Variants in VSX2 observed in about 807,000 individuals in gnomAD.
VSX2 encodes the protein visual system homeobox 2.
VSX2 carries 28 observed loss-of-function variants against 32.1 expected under a neutral mutation model. The ratio of observed to expected loss-of-function variants is 0.87; its 90% CI spans 0.65 to 1.20. The LOEUF (loss-of-function observed/expected upper bound fraction) is 1.20, where lower values mean the gene tolerates loss of function less well. VSX2 is among the 50% of genes most tolerant of loss of function. The pLI is 0.00. For synonymous variants in VSX2, 243 were observed against 214.1 expected (o/e 1.14, Z -1.18); for missense variants, 506 against 488.7 (o/e 1.04, Z -0.33).
In VSX2 at chr14:74,261,389, A is replaced by C; in HGVS notation, c.*470A>C. On this transcript the variant is annotated 3_prime_UTR_variant, in exon 5 of 5. Transcript: ENST00000261980. The stretch of plus-strand genomic sequence containing the variant: ...GCAACTCCAGCGTCCTCAGCACCCC[A>C]CTCCTCAGTAAAAGTCTTCTCCCAA... The C allele has an allele frequency of 1.2e-5, 2 of 168,428 alleles. No homozygotes were observed. Among genetic ancestry groups the C allele is most frequent in the African/African-American group, 2.4e-5 (1 of 41,984 alleles). The allele number at this position is 168,428 out of a possible 1,614,324, so 10.4% of individuals were successfully genotyped here.
At position 74,241,280 on chromosome 14, in the gene VSX2, T is replaced by C; in HGVS notation, c.455+14T>C. 1.2e-6 allele frequency: 2 copies of C among 1,611,612 alleles called. No individual in the cohort carries two copies. The highest frequency in any genetic ancestry group is 1.7e-6 in the Non-Finnish European group (2 of 1,179,486). ...GCGGCGACACAGGTGAGGCCCCCGC[T>C]TTCTGTTACCTCTCCTGCCCGCGCA... On this transcript the variant is annotated intron_variant, in intron 2 of 4. Coordinates refer to ENST00000261980, the MANE Select transcript of VSX2 (RefSeq NM_182894.3).
Position 74,255,034 on chromosome 14 carries a change from C to T in VSX2, c.580-4568C>T, listed in dbSNP as rs183626675. On this transcript the variant is annotated intron_variant, in intron 3 of 4. Transcript: ENST00000261980. ...TGACCTTGTGATCCACCCACCTCGG[C>T]CTCCCAAAGTGCTGGGATTACAGGC... 6.6e-4 allele frequency among the ~76,000 whole-genome samples: 101 copies of T among 152,170 alleles called. 1 individual carries two copies. Among genetic ancestry groups the T allele is most frequent in the Admixed American group, 6.5e-3 (100 of 15,280 alleles).
chr14:74,244,973 TGTGTGTGTGAGAGA>T lies in VSX2; in HGVS notation c.456-190_456-177del, dbSNP rs372304956. On this transcript the variant is annotated intron_variant, in intron 2 of 4. Transcript: ENST00000261980. Reference sequence around the variant, plus strand: ...GTGTGTGTGTGTGTGTGTGTGTGTGTGTGTGTGTGAGAGAGAGAGAGAGAGAGAGAGAGACAGAG... The same window carrying T: ...GTGTGTGTGTGTGTGTGTGTGTGTGTGAGAGAGAGAGAGAGAGAGACAGAG... Among the ~76,000 whole-genome samples, 2,146 of 66,262 alleles carry T rather than the reference TGTGTGTGTGAGAGA, an allele frequency of 0.032. 20 individuals carry two copies. Among genetic ancestry groups the T allele is most frequent in the East Asian group, 0.061 (44 of 726 alleles). 43.5% of individuals were successfully genotyped at this position (66,262 alleles called of 152,430 possible).
intron 3 of VSX2, among the ~76,000 whole-genome samples, chr14:74,251,508 G>A (rs1031795806): frequency 6.6e-6 from 1 of 152,192 alleles, no homozygotes; most frequent in African/African-American, 2.4e-5. Context: ...GCATTTGTAT[G>A]CTTTTAAATC....
intron 2 of VSX2, among the ~76,000 whole-genome samples, chr14:74,242,319 C>A (rs996686605): frequency 6.6e-6 from 1 of 152,240 alleles, no homozygotes; most frequent in African/African-American, 2.4e-5. Flanking sequence ...GCACCCCCGC[C>A]GCCACATCGT....
chr14:74,261,151 C>G lies in VSX2; in HGVS notation c.*232C>G. On this transcript the variant is annotated 3_prime_UTR_variant, in exon 5 of 5. Coordinates refer to ENST00000261980, the MANE Select transcript of VSX2 (RefSeq NM_182894.3). ...CTCTCCAGCATCCCAGCCTCAGAAG[C>G]CTTCTTGCTGCCCACAACGTCCCCT... 1 of 576,506 alleles carries G rather than the reference C, an allele frequency of 1.7e-6. No individual in the cohort carries two copies. Among genetic ancestry groups the G allele is most frequent in the Non-Finnish European group, 3.1e-6 (1 of 325,000 alleles). 35.7% of individuals were successfully genotyped at this position (576,506 alleles called of 1,614,324 possible).
intron 1 of VSX2, 23 bp downstream of exon 1, chr14:74,239,954 G>A: frequency 6.5e-7 from 1 of 1,550,168 alleles, no homozygotes. Flanking sequence ...AGGTTGCGCT[G>A]CTGCCTGACT....
rs139224826 is a variant in VSX2, at chr14:74,259,676, G to T, written c.654G>T (p.Glu218Asp). Residue 218 changes from glutamate (E) to aspartate (D), a missense_variant, in exon 4 of 5, where the codon GAG becomes GAT. Glu to Asp is a conservative substitution (Grantham distance 45, BLOSUM62 2). Transcript: ENST00000261980. ...GGGGCCGGAGCAGTGTCATGGCGGAGTATGGGCTCTACGGGGCCATGGTGC... is the reference window on the plus strand; with the variant it reads ...GGGGCCGGAGCAGTGTCATGGCGGATTATGGGCTCTACGGGGCCATGGTGC... ...KCWGRSSVMAEYGLYGAMVRH... is the reference protein window; with the variant it reads ...KCWGRSSVMADYGLYGAMVRH... 313 of 1,614,072 alleles carry T rather than the reference G, an allele frequency of 1.9e-4. No individual in the cohort carries two copies. The highest frequency in any genetic ancestry group is 2.6e-4 in the Non-Finnish European group (306 of 1,180,016).
chr14:74,252,167 G>A (rs1036362793), intron 3 of VSX2, among the ~76,000 whole-genome samples: 17 of 152,242 alleles, frequency 1.1e-4, no homozygotes, highest in African/African-American at 4.1e-4. Flanking sequence ...AAGAGGAGGT[G>A]TGAGGCATGG....
At chr14:74,241,837 A>G (rs905314557) in intron 2 of VSX2, among the ~76,000 whole-genome samples, 50 of 152,146 alleles carry the variant, frequency 3.3e-4, no homozygotes, top group African/African-American at 1.1e-3. Context: ...TGTGAGCCTC[A>G]GTTTCCTCGT....
chr14:74,244,915 T>A lies in VSX2; in HGVS notation c.456-250T>A, dbSNP rs1303719852. Among the ~76,000 whole-genome samples, 10 of 53,172 alleles carry A rather than the reference T, an allele frequency of 1.9e-4. 1 individual carries two copies. Among genetic ancestry groups the A allele is most frequent in the African/African-American group, 3.6e-4 (9 of 24,942 alleles). The allele number at this position is 53,172 out of a possible 152,430, so 34.9% of individuals were successfully genotyped here. ...GTGTGTGTGTGTGTGTGTGTGTGTG[T>A]GTGTGTGTGTGTGTGAAAGAGAGAG... On this transcript the variant is annotated intron_variant, in intron 2 of 4. Coordinates refer to ENST00000261980, the MANE Select transcript of VSX2 (RefSeq NM_182894.3).
At chr14:74,256,095 A>G (rs2079260774) in intron 3 of VSX2, among the ~76,000 whole-genome samples, 1 of 152,088 alleles carries the variant, frequency 6.6e-6, no homozygotes, top group Non-Finnish European at 1.5e-5. Context: ...GCCTTGTTTT[A>G]TTAGGTTGGT....
At chr14:74,259,803 TG>T in intron 4 of VSX2, 21 bp downstream of exon 4, 1 of 1,461,764 alleles carries the variant, frequency 6.8e-7, no homozygotes, top group South Asian at 1.2e-5. Flanking sequence ...GCACCCTCCT[TG>T]GGGTCCTGCC....
chr14:74,259,143 C>A (rs2079286441), intron 3 of VSX2, among the ~76,000 whole-genome samples: 1 of 152,220 alleles, frequency 6.6e-6, no homozygotes, highest in Non-Finnish European at 1.5e-5. Flanking sequence ...ACCTGCAGCC[C>A]TCCTGGATGG....
chr14:74,251,002 C>T (rs2079224834), intron 3 of VSX2, among the ~76,000 whole-genome samples: 1 of 151,322 alleles, frequency 6.6e-6, no homozygotes, highest in African/African-American at 2.4e-5. Context: ...CCAGCAATTC[C>T]GATTTAATTG....
intron 3 of VSX2, 68 bp from the exon 4 acceptor site, chr14:74,259,534 C>A: frequency 1.3e-6 from 2 of 1,598,410 alleles, no homozygotes; most frequent in South Asian, 1.1e-5. Context: ...TCCAAGCCTA[C>A]AAGGGGTAAG....
intron 3 of VSX2, among the ~76,000 whole-genome samples, chr14:74,258,036 G>T (rs2079278237): frequency 6.6e-6 from 1 of 152,124 alleles, no homozygotes; most frequent in African/African-American, 2.4e-5. Flanking sequence ...CGCGCGGGGC[G>T]GGGGCCGCGA....
intron 3 of VSX2, among the ~76,000 whole-genome samples, chr14:74,246,051 G>A (rs779569912): frequency 3.0e-4 from 45 of 152,244 alleles, no homozygotes; most frequent in Non-Finnish European, 2.9e-5. Context: ...GCAGGAGTAG[G>A]GCTGTGGAAT....
intron 3 of VSX2, among the ~76,000 whole-genome samples, chr14:74,258,409 A>T (rs192086805): frequency 2.0e-5 from 3 of 152,150 alleles, no homozygotes; most frequent in Non-Finnish European, 2.9e-5. Flanking sequence ...GGGGGCCCGG[A>T]GGGAAGGGCG....
Sources: gnomAD v4.1 joint callset for allele counts (sites outside exome capture counted in the v4.1 genomes callset) on GRCh38, gnomAD v4.1.1 for gene constraint, MANE v1.5 for transcripts, NCBI Gene and HGNC (gene_info 2026-07-23, HGNC 2026-07-21) for gene names.